The following KIAA1217 variants were observed in gnomAD, a reference collection of about 807,000 sequenced individuals.
KIAA1217 encodes sickle tail protein homolog.
In KIAA1217, 88 loss-of-function variants were observed where a neutral mutation model predicts 163.9. The ratio of observed to expected loss-of-function variants is 0.54; its 90% CI spans 0.45 to 0.64. The LOEUF (loss-of-function observed/expected upper bound fraction) is 0.64. Ranked by LOEUF, KIAA1217 falls within the 30% of genes least tolerant of loss-of-function variation. The pLI, the probability that KIAA1217 is intolerant of heterozygous loss-of-function variation, is 0.00. For synonymous variants in KIAA1217, 903 were observed against 923.1 expected (o/e 0.98, Z 0.39); for missense variants, 2,372 against 2,475.0 (o/e 0.96, Z 0.88).
upstream of KIAA1217, among the ~76,000 whole-genome samples, chr10:24,207,940 G>A (rs2067654948): frequency 6.6e-6 from 1 of 152,120 alleles, no homozygotes; most frequent in East Asian, 1.9e-4. Flanking sequence ...CTCAAACCTT[G>A]CTGGAATGCC....
intron 1 of KIAA1217, among the ~76,000 whole-genome samples, chr10:23,854,159 A>T (rs1839516029): frequency 6.6e-6 from 1 of 152,046 alleles, no homozygotes; most frequent in Non-Finnish European, 1.5e-5. Context: ...TTAGTGCTAT[A>T]AGTTTCCCTC....
intron 1 of KIAA1217, among the ~76,000 whole-genome samples, chr10:23,866,785 T>C (rs1281730956): frequency 6.6e-6 from 1 of 152,084 alleles, no homozygotes; most frequent in Non-Finnish European, 1.5e-5. Context: ...AAGTTGGCCA[T>C]ACATTATAGA....
intron 12 of KIAA1217, among the ~76,000 whole-genome samples, chr10:24,523,244 C>T (rs764102471): frequency 4.0e-5 from 6 of 151,606 alleles, no homozygotes; most frequent in Admixed American, 1.3e-4. Context: ...ATCTCTTGAA[C>T]GTAAGAGTTT....
chr10:24,402,116 C>G (rs564532837), intron 3 of KIAA1217, among the ~76,000 whole-genome samples: 7 of 152,200 alleles, frequency 4.6e-5, no homozygotes, highest in Non-Finnish European at 1.0e-4. Context: ...TGTCACTGCT[C>G]TCCCAAAAGA....
intron 1 of KIAA1217, among the ~76,000 whole-genome samples, chr10:23,767,976 G>A (rs1834617211): frequency 6.6e-6 from 1 of 152,200 alleles, no homozygotes; most frequent in African/African-American, 2.4e-5. Flanking sequence ...AGACCAGAAG[G>A]AGGGGGCTGG....
intron 5 of KIAA1217, among the ~76,000 whole-genome samples, chr10:24,440,495 G>A (rs530054791): frequency 1.0e-3 from 152 of 152,298 alleles, no homozygotes; most frequent in African/African-American, 3.4e-3. Context: ...TGGCTGGAAA[G>A]ACACCTGTTT....
intron 1 of KIAA1217, among the ~76,000 whole-genome samples, chr10:23,951,676 T>G (rs1844343327): frequency 6.6e-6 from 1 of 152,054 alleles, no homozygotes; most frequent in Non-Finnish European, 1.5e-5. Flanking sequence ...CCAGCTCAGT[T>G]CTGTCTGTGT....
In KIAA1217 at chr10:24,545,009, G is replaced by A. The variant is rs1433459891; in HGVS notation, c.5240G>A (p.Arg1747Lys). The change falls in exon 20 of 21, where the codon AGG becomes AAG. Residue 1747 changes from arginine (R) to lysine (K), a missense_variant. Coordinates refer to ENST00000376454, the MANE Select transcript of KIAA1217 (RefSeq NM_019590.5). ...KGSSGAPQTS[R>K]MPVPMSAKNR... ...TCCAGCGGGGCCCCACAGACGAGCAGGATGCCTGTCCCCATGAGTGCCAAG... is the reference window on the plus strand; with the variant it reads ...TCCAGCGGGGCCCCACAGACGAGCAAGATGCCTGTCCCCATGAGTGCCAAG... The A allele has an allele frequency of 6.2e-7, 1 of 1,614,124 alleles. No individual in the cohort carries two copies. Among genetic ancestry groups the A allele is most frequent in the Admixed American group, 1.7e-5 (1 of 60,020 alleles).
rs530153741 is a variant in KIAA1217 at position 24,113,518 on chromosome 10, A to G, written c.-170-106108A>G. Among the ~76,000 whole-genome samples the G allele has an allele frequency of 3.5e-4, 53 of 152,334 alleles. 1 individual carries two copies. Among genetic ancestry groups the G allele is most frequent in the African/African-American group, 1.2e-3 (49 of 41,592 alleles). Reference sequence around the variant, plus strand: ...AGGGATGAGTATTGTAGAAGATGACAGCATCCACTCTATTTTAAACAGAAA... The same window carrying G: ...AGGGATGAGTATTGTAGAAGATGACGGCATCCACTCTATTTTAAACAGAAA... On this transcript the variant is annotated intron_variant, in intron 2 of 18. Coordinates refer to the KIAA1217 transcript ENST00000376462.
At chr10:24,455,311 C>T (rs2061683937) in intron 5 of KIAA1217, among the ~76,000 whole-genome samples, 1 of 151,920 alleles carries the variant, frequency 6.6e-6, no homozygotes, top group Non-Finnish European at 1.5e-5. Flanking sequence ...TAAAAACTAC[C>T]CAAATATAAT....
chr10:23,844,733 C>T (rs1469547619), intron 1 of KIAA1217, among the ~76,000 whole-genome samples: 4 of 150,522 alleles, frequency 2.7e-5, no homozygotes, highest in African/African-American at 7.3e-5. Context: ...TGTGGCTCAA[C>T]GTTTAATTTT....
At chr10:24,130,476 G>T (rs779655157) in intron 2 of KIAA1217, among the ~76,000 whole-genome samples, 12 of 152,072 alleles carry the variant, frequency 7.9e-5, no homozygotes, top group Non-Finnish European at 1.6e-4. Flanking sequence ...TCCTTACTTT[G>T]CATAATCTGT....
At chr10:24,094,318 T>A (rs1285189417) in intron 2 of KIAA1217, among the ~76,000 whole-genome samples, 4 of 152,210 alleles carry the variant, frequency 2.6e-5, no homozygotes, top group Non-Finnish European at 5.9e-5. Context: ...ACCTGTTGTT[T>A]CCTGACAGTA....
chr10:24,225,596 A>G (rs1440621036), intron 2 of KIAA1217, among the ~76,000 whole-genome samples: 2 of 152,092 alleles, frequency 1.3e-5, no homozygotes, highest in Non-Finnish European at 2.9e-5. Context: ...TACCATGGTA[A>G]AGGTATTTGA....
intron 5 of KIAA1217, among the ~76,000 whole-genome samples, chr10:24,448,316 A>C (rs1187587802): frequency 6.6e-6 from 1 of 152,156 alleles, no homozygotes; most frequent in East Asian, 1.9e-4. Flanking sequence ...CTAGACAACA[A>C]ATCTAAATAA....
intron 10 of KIAA1217, among the ~76,000 whole-genome samples, chr10:24,514,376 A>G (rs955687231): frequency 2.6e-5 from 4 of 152,184 alleles, no homozygotes; most frequent in African/African-American, 9.6e-5. Flanking sequence ...GTGCTCAGTC[A>G]CCTATCTCCT....
At chr10:24,006,149 T>C (rs911830877) in intron 1 of KIAA1217, among the ~76,000 whole-genome samples, 5 of 152,182 alleles carry the variant, frequency 3.3e-5, no homozygotes, top group African/African-American at 9.6e-5. Flanking sequence ...ATAATTTAAA[T>C]TGTATGGTCA....
At chr10:24,048,648 T>A (rs1336776496) in intron 2 of KIAA1217, among the ~76,000 whole-genome samples, 1 of 151,702 alleles carries the variant, frequency 6.6e-6, no homozygotes, top group African/African-American at 2.4e-5. Context: ...GAAAATTGTT[T>A]GAATCTGGGA....
At chr10:24,526,460 T>C (rs1430288588) in intron 13 of KIAA1217, among the ~76,000 whole-genome samples, 1 of 152,244 alleles carries the variant, frequency 6.6e-6, no homozygotes, top group Non-Finnish European at 1.5e-5. Context: ...GTCTTGCCAC[T>C]TTAAACATCT....
Sources: gnomAD v4.1 joint callset for allele counts (sites outside exome capture counted in the v4.1 genomes callset) on GRCh38, gnomAD v4.1.1 for gene constraint, MANE v1.5 for transcripts, NCBI Gene and HGNC (gene_info 2026-07-23, HGNC 2026-07-21) for gene names.